LMF1: variants seen among roughly 807,000 people sequenced by gnomAD.
LMF1 encodes transmembrane protein 112.
In LMF1, 68 loss-of-function variants were observed where a neutral mutation model predicts 60.6. That is an observed-to-expected ratio of 1.12 (90% confidence interval 0.92 to 1.37). The LOEUF (loss-of-function observed/expected upper bound fraction) is 1.37. Ranked by LOEUF, LMF1 falls within the 40% of genes most tolerant of loss-of-function variation. The pLI is 0.00. For synonymous variants in LMF1, 418 were observed against 324.7 expected (o/e 1.29, Z -3.09); for missense variants, 948 against 767.2 (o/e 1.24, Z -2.78).
At position 966,131 on chromosome 16, in the gene LMF1, T is replaced by C. The variant is rs150737453; in HGVS notation, c.193+4657A>G. 9.1e-3 allele frequency among the ~76,000 whole-genome samples: 1,379 copies of C among 151,760 alleles called. 10 individuals are homozygous for C. The highest frequency in any genetic ancestry group is 0.016 in the Admixed American group (244 of 15,242). On this transcript the variant is annotated intron_variant, in intron 1 of 10. Coordinates refer to ENST00000262301, the MANE Select transcript of LMF1 (RefSeq NM_022773.4). ...CGGAGAGAACAAGTACAGTTAACCC[T>C]GGGAAGGCAGAGGCCAGGTGGTCTC... is the stretch of plus-strand genomic sequence containing the variant.
At chr16:906,476 T>C (rs1339817770) in intron 4 of LMF1, among the ~76,000 whole-genome samples, 1 of 152,142 alleles carries the variant, frequency 6.6e-6, no homozygotes, top group African/African-American at 2.4e-5. Flanking sequence ...CCCGCATCTT[T>C]CTTCTGTGCT....
chr16:901,559 T>C (rs1382427720), intron 4 of LMF1: 3 of 152,238 alleles, frequency 2.0e-5, no homozygotes, highest in Non-Finnish European at 4.4e-5. Context: ...GGCCACGCCA[T>C]TGATCACGTC....
Position 854,123 on chromosome 16 carries a change from A to C in LMF1, c.*409T>G. On this transcript the variant is annotated 3_prime_UTR_variant, in exon 11 of 11. Coordinates refer to ENST00000262301, the MANE Select transcript of LMF1 (RefSeq NM_022773.4). ...CTGGGAACACACCATTGAAGAGGGA[A>C]CAGAAACCAGGCCCTGGGACGCTAG... 2 of 461,516 alleles carry C rather than the reference A, an allele frequency of 4.3e-6. No homozygotes were observed. Among genetic ancestry groups the C allele is most frequent in the Non-Finnish European group, 8.6e-6 (2 of 232,002 alleles). 28.6% of individuals were successfully genotyped at this position (461,516 alleles called of 1,614,324 possible).
intron 10 of LMF1, among the ~76,000 whole-genome samples, chr16:858,498 T>G (rs1351797377): frequency 3.6e-5 from 1 of 28,076 alleles, no homozygotes; most frequent in Non-Finnish European, 5.5e-5. Flanking sequence ...CGGGTGTGCG[T>G]GGTGTCTCGG....
At chr16:879,898 A>C (rs897156921) in intron 5 of LMF1, among the ~76,000 whole-genome samples, 161 bp from the exon 6 acceptor site, 6 of 152,186 alleles carry the variant, frequency 3.9e-5, no homozygotes, top group African/African-American at 1.4e-4. Flanking sequence ...TGCCACGCTA[A>C]GAGGGGCCAA....
chr16:913,058 G>A (rs1027639454), intron 3 of LMF1, among the ~76,000 whole-genome samples: 3 of 152,218 alleles, frequency 2.0e-5, no homozygotes, highest in Admixed American at 1.3e-4. Flanking sequence ...GAGAGGAGCC[G>A]TCCTCGCCCC....
At chr16:968,422 A>G (rs1384652553) in intron 1 of LMF1, 1 of 152,258 alleles carries the variant, frequency 6.6e-6, no homozygotes, top group Non-Finnish European at 1.5e-5. Flanking sequence ...AGCTATAAAC[A>G]TTGTAAAATT....
chr16:882,532 C>G (rs76216555), intron 5 of LMF1, among the ~76,000 whole-genome samples: 2,311 of 152,348 alleles, frequency 0.015, 60 homozygotes, highest in African/African-American at 0.051. Context: ...ACCTCCCGGC[C>G]TAGCTATCAG....
chr16:898,519 G>A (rs1031093199), intron 4 of LMF1, among the ~76,000 whole-genome samples: 7 of 152,372 alleles, frequency 4.6e-5, no homozygotes, highest in Admixed American at 2.0e-4. Flanking sequence ...GGCTGCTGGG[G>A]CCTGGAGCAG....
At chr16:912,161 C>A (rs2071141269) in intron 3 of LMF1, among the ~76,000 whole-genome samples, 1 of 152,214 alleles carries the variant, frequency 6.6e-6, no homozygotes, top group Non-Finnish European at 1.5e-5. Flanking sequence ...ACATGACTCA[C>A]ACCACCACAG....
chr16:919,288 AG>A (rs1046403307), intron 3 of LMF1, among the ~76,000 whole-genome samples: 1 of 152,136 alleles, frequency 6.6e-6, no homozygotes, highest in Non-Finnish European at 1.5e-5. Context: ...CTCACAGGGA[AG>A]GAACGTGGGG....
chr16:919,343 G>A (rs571824766), intron 3 of LMF1, among the ~76,000 whole-genome samples: 41 of 152,248 alleles, frequency 2.7e-4, no homozygotes, highest in Middle Eastern at 3.4e-3. Flanking sequence ...CCACATGCCC[G>A]CGGCAGGGGG....
intron 1 of LMF1, among the ~76,000 whole-genome samples, chr16:959,088 T>G (rs1197990448): frequency 1.3e-5 from 2 of 152,130 alleles, no homozygotes; most frequent in East Asian, 1.9e-4. Flanking sequence ...GCCTTCAACC[T>G]GAAAGTGTGC....
intron 3 of LMF1, among the ~76,000 whole-genome samples, chr16:914,908 C>T (rs980791383): frequency 4.6e-5 from 7 of 151,796 alleles, no homozygotes; most frequent in African/African-American, 1.2e-4. Flanking sequence ...ACTAAATATC[C>T]GAGTGCTAAT....
intron 1 of LMF1, among the ~76,000 whole-genome samples, chr16:965,038 G>A (rs2072896396): frequency 6.6e-6 from 1 of 152,234 alleles, no homozygotes; most frequent in African/African-American, 2.4e-5. Flanking sequence ...TAATCTCAGT[G>A]AGCCCAGGAC....
intron 3 of LMF1, among the ~76,000 whole-genome samples, chr16:924,154 A>G (rs1443688218): frequency 1.3e-5 from 2 of 152,276 alleles, no homozygotes; most frequent in East Asian, 3.8e-4. Flanking sequence ...GATGATGATG[A>G]GAAGAACATT....
chr16:973,037 A>C (rs190271299), upstream of LMF1, among the ~76,000 whole-genome samples: 218 of 152,244 alleles, frequency 1.4e-3, no homozygotes, highest in African/African-American at 5.1e-3. Context: ...TCAAAAGTGC[A>C]CTGGGTTATG....
At position 976,087 on chromosome 16, in the gene LMF1, C is replaced by A. The variant is rs1022283216; in HGVS notation, c.-135+5058G>T. 11 of 423,062 alleles carry A rather than the reference C, an allele frequency of 2.6e-5. No individual in the cohort carries two copies. In the Admixed American group the frequency reaches 2.8e-4, roughly 11 times the overall value. The allele number at this position is 423,062 out of a possible 1,614,324, so 26.2% of individuals were successfully genotyped here. ...TCTTGGCAGCCTGAGTGGGTACAAA[C>A]GCTGATTTTTCTGGAGTCAGTCCTC... is the stretch of plus-strand genomic sequence containing the variant. On this transcript the variant is annotated intron_variant, in intron 1 of 6. Transcript: ENST00000570014.
chr16:854,971 C>G (rs995565666), intron 10 of LMF1: 2 of 557,870 alleles, frequency 3.6e-6, no homozygotes, highest in Non-Finnish European at 6.5e-6. Flanking sequence ...CCCAGCAGGG[C>G]CCACTTGGCA....
Sources: allele counts gnomAD v4.1 joint callset (sites outside exome capture counted in the v4.1 genomes callset), GRCh38; gene constraint gnomAD v4.1.1; transcripts MANE v1.5; gene names NCBI Gene and HGNC (gene_info 2026-07-23, HGNC 2026-07-21).